Variants in PTPRN2 observed in about 807,000 individuals in gnomAD.
The protein encoded by PTPRN2 is protein tyrosine phosphatase receptor type N2, also known as receptor-type tyrosine-protein phosphatase N2.
In PTPRN2, 74 loss-of-function variants were observed where a neutral mutation model predicts 118.8. The ratio of observed to expected loss-of-function variants is 0.62; its 90% confidence interval spans 0.52 to 0.76. PTPRN2 has a LOEUF of 0.76. Ranked by LOEUF, PTPRN2 falls within the 30% of genes least tolerant of loss-of-function variation. PTPRN2 has a pLI of 0.00. For synonymous variants in PTPRN2, 641 were observed against 608.0 expected (o/e 1.05, Z -0.80); for missense variants, 1,481 against 1,394.4 (o/e 1.06, Z -0.99).
chr7:158,098,498 C>T (rs552668782), intron 10 of PTPRN2, among the ~76,000 whole-genome samples: 111 of 152,320 alleles, frequency 7.3e-4, no homozygotes, highest in African/African-American at 2.4e-3. Context: ...GCGGAGAAGC[C>T]GTCCGTGCTC....
intron 6 of PTPRN2, among the ~76,000 whole-genome samples, chr7:158,147,996 C>A (rs1374191380): frequency 2.6e-5 from 1 of 38,410 alleles, no homozygotes; most frequent in Middle Eastern, 0.029. Context: ...CACCATCTCA[C>A]GCCACGTGTC....
intron 2 of PTPRN2, among the ~76,000 whole-genome samples, chr7:158,333,471 CCAT>C (rs1289156956): frequency 6.8e-6 from 1 of 147,764 alleles, no homozygotes; most frequent in East Asian, 1.9e-4. Flanking sequence ...CACACTCTCT[CCAT>C]AAGAGGTGAC....
chr7:158,313,926 T>C (rs1325088339), intron 3 of PTPRN2, among the ~76,000 whole-genome samples: 1 of 152,132 alleles, frequency 6.6e-6, no homozygotes, highest in Non-Finnish European at 1.5e-5. Flanking sequence ...TCACCTTAAA[T>C]TTCTTGGTTT....
At chr7:158,291,725 T>C (rs1800129997) in intron 3 of PTPRN2, among the ~76,000 whole-genome samples, 1 of 152,254 alleles carries the variant, frequency 6.6e-6, no homozygotes, top group Non-Finnish European at 1.5e-5. Flanking sequence ...CCAATGTTCC[T>C]GCACTTTGTA....
chr7:158,383,050 G>A (rs117862013), intron 2 of PTPRN2, among the ~76,000 whole-genome samples: 186 of 152,192 alleles, frequency 1.2e-3, no homozygotes, highest in Non-Finnish European at 2.1e-3. Context: ...GGCACACTCC[G>A]TCAGTATCCC....
chr7:157,847,224 C>T (rs1169337287), intron 12 of PTPRN2, among the ~76,000 whole-genome samples: 1 of 132,092 alleles, frequency 7.6e-6, no homozygotes, highest in Non-Finnish European at 1.6e-5. Flanking sequence ...TCTCTGACTC[C>T]ATCATGTGTG....
chr7:157,597,214 T>C (rs905276341), intron 16 of PTPRN2, among the ~76,000 whole-genome samples: 2 of 152,238 alleles, frequency 1.3e-5, no homozygotes, highest in African/African-American at 4.8e-5. Flanking sequence ...AAGCTTTTTG[T>C]GCATCTGATT....
rs1466529778 is a variant in PTPRN2 at position 158,564,807 on chromosome 7, G to A, written c.112+22751C>T. Among the ~76,000 whole-genome samples, 3 of 152,264 alleles carry A rather than the reference G, an allele frequency of 2.0e-5. No individual in the cohort carries two copies. In the East Asian group the frequency reaches 5.8e-4, roughly 29 times the overall value. On this transcript the variant is annotated intron_variant, in intron 1 of 22. Coordinates refer to ENST00000389418, the MANE Select transcript of PTPRN2 (RefSeq NM_002847.5). ...ACGGCAGACCACAGATCCCTTCTCA[G>A]CCCAGGAAATGGCTCTGTGGCCCAT...
intron 3 of PTPRN2, among the ~76,000 whole-genome samples, chr7:158,244,764 G>A (rs556957423): frequency 6.6e-6 from 1 of 152,008 alleles, no homozygotes; most frequent in East Asian, 1.9e-4. Flanking sequence ...TAGCGTCAGA[G>A]TATGTGTGGG....
chr7:157,919,363 CAAAATAGTTA>C (rs1377202811), intron 11 of PTPRN2, among the ~76,000 whole-genome samples: 1 of 152,042 alleles, frequency 6.6e-6, no homozygotes, highest in African/African-American at 2.4e-5. Context: ...AACTAAATTA[CAAAATAGTTA>C]GAGAATAATA....
chr7:158,009,302 C>T (rs1354908457), intron 11 of PTPRN2, among the ~76,000 whole-genome samples: 3 of 152,118 alleles, frequency 2.0e-5, no homozygotes, highest in Admixed American at 6.5e-5. Flanking sequence ...ATACACAATA[C>T]GTGCTATTTA....
intron 12 of PTPRN2, among the ~76,000 whole-genome samples, chr7:157,842,634 C>T (rs944247099): frequency 6.6e-5 from 10 of 151,964 alleles, no homozygotes; most frequent in African/African-American, 1.7e-4. Context: ...AGGCTGGTTT[C>T]GAACTCCAGA....
chr7:157,640,764 G>T lies in PTPRN2; in HGVS notation c.2196+15593C>A, dbSNP rs371276603. 2.0e-5 allele frequency among the ~76,000 whole-genome samples: 3 copies of T among 152,316 alleles called. No individual in the cohort carries two copies. In the East Asian group the frequency reaches 5.8e-4, roughly 29 times the overall value. On this transcript the variant is annotated intron_variant, in intron 14 of 22. Transcript: ENST00000389418. ...AAGTGCAGGGGCACCAGAGACAAGA[G>T]AACAGGGTTTCAAGGTAATAAAAGA...
chr7:158,250,683 T>C (rs892636561), intron 3 of PTPRN2, among the ~76,000 whole-genome samples: 1 of 152,220 alleles, frequency 6.6e-6, no homozygotes, highest in African/African-American at 2.4e-5. Flanking sequence ...GTGGTTTCTC[T>C]CTCGTCTGTT....
At chr7:158,457,445 G>A (rs1204810059) in intron 2 of PTPRN2, among the ~76,000 whole-genome samples, 3 of 152,020 alleles carry the variant, frequency 2.0e-5, no homozygotes, top group African/African-American at 4.8e-5. Flanking sequence ...CTCGGCCTGC[G>A]GGACCACAGC....
chr7:158,471,786 C>G (rs1670352), intron 2 of PTPRN2, among the ~76,000 whole-genome samples: 106,047 of 152,206 alleles, frequency 0.7, 37,145 homozygotes, highest in Admixed American at 0.78. Flanking sequence ...CAAATCATTT[C>G]TCTGATTTCT....
chr7:158,317,505 T>C (rs757025599), intron 2 of PTPRN2, among the ~76,000 whole-genome samples: 4 of 152,266 alleles, frequency 2.6e-5, no homozygotes, highest in Non-Finnish European at 4.4e-5. Context: ...CGATTCCATT[T>C]GTCTGAAATG....
chr7:158,073,052 T>C (rs1812061786), intron 11 of PTPRN2, among the ~76,000 whole-genome samples: 1 of 152,112 alleles, frequency 6.6e-6, no homozygotes, highest in South Asian at 2.1e-4. Flanking sequence ...CAGAGGGCAG[T>C]GGCTCGGCTG....
Position 158,544,366 on chromosome 7 carries a change from T to A in PTPRN2, c.112+43192A>T, listed in dbSNP as rs1009900086. On this transcript the variant is annotated intron_variant, in intron 1 of 22. Coordinates refer to ENST00000389418, the MANE Select transcript of PTPRN2 (RefSeq NM_002847.5). The surrounding 1 kb of genome is among the most constrained non-coding windows in gnomAD (Gnocchi z 4.2). The stretch of plus-strand genomic sequence containing the variant: ...TATGAGATTTTTTGGCCGGGTGCGG[T>A]GGCTCATGCCTGTAATCCCAGCACT... Among the ~76,000 whole-genome samples the A allele has an allele frequency of 6.6e-6, 1 of 151,956 alleles. No homozygotes were observed. Among genetic ancestry groups the A allele is most frequent in the African/African-American group, 2.4e-5 (1 of 41,358 alleles).
Sources: allele counts gnomAD v4.1 joint callset (sites outside exome capture counted in the v4.1 genomes callset), GRCh38; gene constraint gnomAD v4.1.1; non-coding constraint Gnocchi (gnomAD v3.1); transcripts MANE v1.5; gene names NCBI Gene and HGNC (gene_info 2026-07-23, HGNC 2026-07-21).